Variants in IGF1R observed in about 807,000 individuals in gnomAD.
The protein encoded by IGF1R is insulin-like growth factor 1 receptor.
Under a neutral mutation model 144.6 loss-of-function variants are expected in IGF1R, and 44 were observed. The ratio of observed to expected loss-of-function variants is 0.30; its 90% CI spans 0.24 to 0.39. The LOEUF (loss-of-function observed/expected upper bound fraction) is 0.39, where lower values mean the gene tolerates loss of function less well. IGF1R is among the 10% of genes least tolerant of loss of function. The pLI is 1.00. For missense variants in IGF1R, 1,355 were observed against 1,833.7 expected (o/e 0.74, Z 4.77); for synonymous variants, 795 against 722.8 (o/e 1.10, Z -1.60).
In IGF1R at chr15:98,891,539, C is replaced by A. The variant is rs775798637; in HGVS notation, c.855C>A (p.Ile285=). 1.2e-6 allele frequency: 2 copies of A among 1,612,432 alleles called. No homozygotes were observed. The highest frequency in any genetic ancestry group is 2.2e-5 in the South Asian group (2 of 91,090). The change falls in exon 3 of 21, where the codon ATC becomes ATA. Residue 285 remains isoleucine, a synonymous_variant. Coordinates refer to ENST00000650285, the MANE Select transcript of IGF1R (RefSeq NM_000875.5). This position sits in a 1 kb window ranked among gnomAD's most constrained non-coding sequence, Gnocchi z 4.7. The part of the protein sequence containing the change: ...RCVDRDFCAN[I]LSAESSDSEG... Reference sequence around the variant, plus strand: ...TGGACCGTGACTTCTGCGCCAACATCCTCAGCGCCGAGAGCAGCGACTCCG... The same window carrying A: ...TGGACCGTGACTTCTGCGCCAACATACTCAGCGCCGAGAGCAGCGACTCCG...
At chr15:98,725,683 CTGTATTAGTCTGTTTTCA>C (rs1433131351) in intron 2 of IGF1R, among the ~76,000 whole-genome samples, 1 of 152,210 alleles carries the variant, frequency 6.6e-6, no homozygotes, top group African/African-American at 2.4e-5. Context: ...TGATTACCCT[CTGTATTAGTCTGTTTTCA>C]TGCTGCTGAT....
intron 2 of IGF1R, among the ~76,000 whole-genome samples, chr15:98,728,100 A>G (rs2054409222): frequency 6.7e-6 from 1 of 148,796 alleles, no homozygotes; most frequent in Admixed American, 6.8e-5. Flanking sequence ...AAGGGACCCA[A>G]GCGGGTTGCC....
intron 1 of IGF1R, among the ~76,000 whole-genome samples, chr15:98,672,648 C>T (rs2052926029): frequency 6.7e-6 from 1 of 149,868 alleles, no homozygotes; most frequent in Non-Finnish European, 1.5e-5. Context: ...CGTTGTATTT[C>T]TTCCGGTCTC....
rs1445655326 is a variant in IGF1R at position 98,962,598 on chromosome 15, GAA to G, written c.*5157_*5158del. 1 of 233,718 alleles carries G rather than the reference GAA, an allele frequency of 4.3e-6. No homozygotes were observed. The highest frequency in any genetic ancestry group is 8.5e-6 in the Non-Finnish European group (1 of 118,140). 14.5% of individuals were successfully genotyped at this position (233,718 alleles called of 1,614,324 possible). On this transcript the variant is annotated 3_prime_UTR_variant, in exon 21 of 21. Transcript: ENST00000650285. ...TAGATGACTGGTTGCGTCATTTGGAGAAGTGAGTGCTCCTTGATGGTGGAATG... is the reference window on the plus strand; with the variant it reads ...TAGATGACTGGTTGCGTCATTTGGAGGTGAGTGCTCCTTGATGGTGGAATG...
chr15:98,939,665 C>T (rs1287499527), intron 18 of IGF1R, among the ~76,000 whole-genome samples: 1 of 152,202 alleles, frequency 6.6e-6, no homozygotes, highest in Non-Finnish European at 1.5e-5. Context: ...ATAATTAAGA[C>T]AATGTCTTCA....
At chr15:98,777,952 G>A (rs1365744862) in intron 2 of IGF1R, among the ~76,000 whole-genome samples, 2 of 152,196 alleles carry the variant, frequency 1.3e-5, no homozygotes, top group Admixed American at 6.5e-5. Context: ...ACAGTATAAA[G>A]ACCCATAGAT....
In IGF1R at chr15:98,900,149, AT is replaced by A. The variant is rs2014408746; in HGVS notation, c.1247+530del. 3.9e-5 allele frequency among the ~76,000 whole-genome samples: 6 copies of A among 152,326 alleles called. No homozygotes were observed. In the South Asian group the frequency reaches 1.2e-3, roughly 32 times the overall value. On this transcript the variant is annotated intron_variant, in intron 5 of 20. Coordinates refer to ENST00000650285, the MANE Select transcript of IGF1R (RefSeq NM_000875.5). ...TTGATTAGTTTACAGGATTTGCACT[AT>A]TGATAGAGTTTTTGCCTTGGCACAG...
intron 1 of IGF1R, among the ~76,000 whole-genome samples, chr15:98,687,637 C>T (rs1411014889): frequency 6.6e-6 from 1 of 152,172 alleles, no homozygotes; most frequent in East Asian, 1.9e-4. Flanking sequence ...TTATGGAGGG[C>T]TAGACCAGGG....
intron 1 of IGF1R, among the ~76,000 whole-genome samples, chr15:98,678,228 G>T (rs1474071389): frequency 1.3e-5 from 2 of 152,120 alleles, no homozygotes; most frequent in African/African-American, 4.8e-5. Context: ...ATTTTTGGTT[G>T]CGGTGGGTGG....
At chr15:98,822,620 T>C (rs574929400) in intron 2 of IGF1R, among the ~76,000 whole-genome samples, 27 of 152,214 alleles carry the variant, frequency 1.8e-4, no homozygotes, top group Admixed American at 3.3e-4. Flanking sequence ...TTAATGCATT[T>C]CTCCTATGAG....
intron 2 of IGF1R, among the ~76,000 whole-genome samples, chr15:98,778,050 G>A (rs2055763211): frequency 6.6e-6 from 1 of 152,194 alleles, no homozygotes; most frequent in Non-Finnish European, 1.5e-5. Flanking sequence ...ACAATGCAGA[G>A]CTTAATAAGA....
At chr15:98,906,374 C>G (rs1052937783) in intron 5 of IGF1R, among the ~76,000 whole-genome samples, 1 of 152,230 alleles carries the variant, frequency 6.6e-6, no homozygotes, top group Non-Finnish European at 1.5e-5. Context: ...AGATTTTGTC[C>G]TGTAACTAAC....
intron 1 of IGF1R, among the ~76,000 whole-genome samples, chr15:98,663,029 C>T (rs530677281): frequency 6.6e-6 from 1 of 152,154 alleles, no homozygotes; most frequent in Non-Finnish European, 1.5e-5. Context: ...ATAGACACCC[C>T]GGTGTGAGCC....
chr15:98,842,526 A>G (rs1397855558), intron 2 of IGF1R, among the ~76,000 whole-genome samples: 1 of 152,216 alleles, frequency 6.6e-6, no homozygotes, highest in East Asian at 1.9e-4. Context: ...TTGTAATTAG[A>G]AAAGGTTGAT....
intron 3 of IGF1R, among the ~76,000 whole-genome samples, chr15:98,892,529 A>AG (rs2013977930): frequency 7.3e-6 from 1 of 137,576 alleles, no homozygotes; most frequent in African/African-American, 3.0e-5. Context: ...TCTGTCTCCA[A>AG]AAAAAAAAAA....
At chr15:98,695,349 C>T (rs372109834) in intron 1 of IGF1R, among the ~76,000 whole-genome samples, 38 of 152,258 alleles carry the variant, frequency 2.5e-4, no homozygotes, top group African/African-American at 9.1e-4. Context: ...TAAAGAGGTG[C>T]CCACTCTGGT....
intron 2 of IGF1R, among the ~76,000 whole-genome samples, chr15:98,882,018 C>G (rs1301478679): frequency 6.6e-6 from 1 of 152,190 alleles, no homozygotes; most frequent in Non-Finnish European, 1.5e-5. Flanking sequence ...TGACTAGAAG[C>G]TCAGAGTGAG....
chr15:98,892,306 C>T (rs2013963113), intron 3 of IGF1R, among the ~76,000 whole-genome samples: 1 of 152,092 alleles, frequency 6.6e-6, no homozygotes, highest in Non-Finnish European at 1.5e-5. Flanking sequence ...AATCCCAATA[C>T]TTTGGGAGGC....
intron 2 of IGF1R, among the ~76,000 whole-genome samples, chr15:98,780,286 C>T (rs1394883272): frequency 2.0e-5 from 3 of 151,848 alleles, no homozygotes; most frequent in Non-Finnish European, 4.4e-5. Context: ...TGTGGTGGCT[C>T]ACATCTGTAA....
Sources: allele counts gnomAD v4.1 joint callset (sites outside exome capture counted in the v4.1 genomes callset), GRCh38; gene constraint gnomAD v4.1.1; non-coding constraint Gnocchi (gnomAD v3.1); transcripts MANE v1.5; gene names NCBI Gene and HGNC (gene_info 2026-07-23, HGNC 2026-07-21).